MEIKIN: variants seen among roughly 807,000 people sequenced by gnomAD.
The protein encoded by MEIKIN is meiosis-specific kinetochore protein.
At position 131,932,800 on chromosome 5, in the gene MEIKIN, T is replaced by A. The variant is rs116935728; in HGVS notation, c.478+713A>T. Reference sequence around the variant, plus strand: ...GGAGCAGTTAACCACATCTTTCATGTTTTTGACATCTATTTACAAGCATTT... The same window carrying A: ...GGAGCAGTTAACCACATCTTTCATGATTTTGACATCTATTTACAAGCATTT... On this transcript the variant is annotated intron_variant, in intron 5 of 12. Transcript: ENST00000442687. Among the ~76,000 whole-genome samples the A allele has an allele frequency of 2.6e-5, 4 of 152,248 alleles. No individual in the cohort carries two copies. The East Asian group carries it at 7.7e-4, about 29-fold the overall frequency.
chr5:131,852,022 T>C (rs935735879), intron 10 of MEIKIN, among the ~76,000 whole-genome samples: 9 of 152,178 alleles, frequency 5.9e-5, no homozygotes, highest in African/African-American at 2.2e-4. Context: ...GTATTATTCA[T>C]AATAGATAAT....
rs1409945982 is a variant in MEIKIN, at chr5:131,856,686, C to T, written c.775-1852G>A. 3.9e-5 allele frequency among the ~76,000 whole-genome samples: 6 copies of T among 152,134 alleles called. No homozygotes were observed. The East Asian group carries it at 9.6e-4, about 24-fold the overall frequency. The stretch of plus-strand genomic sequence containing the variant: ...CTGAGTATCTGCTTCCCAGAGGTCT[C>T]ATTTGACATAATTGTCAACTATCAG... On this transcript the variant is annotated intron_variant, in intron 9 of 12. Transcript: ENST00000442687.
rs116494076 is a variant in MEIKIN, at chr5:131,912,950, G to A, written c.639-1071C>T. On this transcript the variant is annotated intron_variant, in intron 7 of 12. Transcript: ENST00000442687. Reference sequence around the variant, plus strand: ...TGCCTATTTGGAAACTACACTTTGGGTTCCTCTGGCAGTGAATTATAGGAA... The same window carrying A: ...TGCCTATTTGGAAACTACACTTTGGATTCCTCTGGCAGTGAATTATAGGAA... Among the ~76,000 whole-genome samples, 448 of 152,232 alleles carry A rather than the reference G, an allele frequency of 2.9e-3. 1 individual carries two copies. Among genetic ancestry groups the A allele is most frequent in the Middle Eastern group, 6.8e-3 (2 of 294 alleles).
rs2149598873 is a variant in MEIKIN, at chr5:131,807,093, T to G, written c.*143A>C. 1.5e-5 allele frequency: 6 copies of G among 394,190 alleles called. No homozygotes were observed. The allele number at this position is 394,190 out of a possible 1,614,324, so 24.4% of individuals were successfully genotyped here. A position where few individuals can be genotyped will look rare whatever the true frequency, so the allele number is the denominator to read the frequency against. ...GTAAATGACAAGAACCTCAGTAGAA[T>G]TTCAACATAGAGATATATCACAAAT... On this transcript the variant is annotated 3_prime_UTR_variant, in exon 13 of 13. Transcript: ENST00000442687.
At chr5:131,875,681 C>T (rs1234660297) in intron 9 of MEIKIN, among the ~76,000 whole-genome samples, 8 of 152,088 alleles carry the variant, frequency 5.3e-5, no homozygotes, top group South Asian at 2.1e-4. Context: ...GAGCCCGCAT[C>T]GCCAAGTCAA....
At chr5:131,816,951 T>C (rs1480176239) in intron 12 of MEIKIN, among the ~76,000 whole-genome samples, 1 of 151,916 alleles carries the variant, frequency 6.6e-6, no homozygotes, top group East Asian at 1.9e-4. Context: ...AGTAGATCTG[T>C]TTCTGTGAGG....
At chr5:131,893,799 T>G (rs1388593096) in intron 8 of MEIKIN, among the ~76,000 whole-genome samples, 2 of 152,170 alleles carry the variant, frequency 1.3e-5, no homozygotes, top group African/African-American at 4.8e-5. Context: ...ATAAGTAGAG[T>G]GCAAAAATTT....
chr5:131,910,616 G>A (rs1751318798), intron 8 of MEIKIN, among the ~76,000 whole-genome samples: 1 of 152,002 alleles, frequency 6.6e-6, no homozygotes, highest in African/African-American at 2.4e-5. Context: ...AAGGATAAAT[G>A]CTTGAGGGCA....
chr5:131,899,596 A>G lies in MEIKIN; in HGVS notation c.703+12219T>C, dbSNP rs184192092. Among the ~76,000 whole-genome samples the G allele has an allele frequency of 1.3e-3, 195 of 152,064 alleles. 2 individuals carry two copies. The highest frequency in any genetic ancestry group is 2.0e-3 in the Non-Finnish European group (138 of 68,000). ...GTGATCTGTTTTCTTCAAGAAACAC[A>G]CTTCACCTATAAAGACACACACAGA... is the stretch of plus-strand genomic sequence containing the variant. On this transcript the variant is annotated intron_variant, in intron 8 of 12. Transcript: ENST00000442687.
chr5:131,892,382 A>G (rs1045063054), intron 8 of MEIKIN, among the ~76,000 whole-genome samples: 2 of 152,200 alleles, frequency 1.3e-5, no homozygotes, highest in Non-Finnish European at 2.9e-5. Context: ...CTTTTCACAT[A>G]GTCCCATATT....
intron 9 of MEIKIN, among the ~76,000 whole-genome samples, chr5:131,870,123 C>T (rs772179702): frequency 9.2e-6 from 1 of 108,216 alleles, no homozygotes; most frequent in South Asian, 3.2e-4. Flanking sequence ...TCCCATTTAC[C>T]CTGATTTGAT....
intron 5 of MEIKIN, among the ~76,000 whole-genome samples, chr5:131,932,285 C>T (rs1165252964): frequency 6.6e-6 from 1 of 152,182 alleles, no homozygotes; most frequent in East Asian, 1.9e-4. Context: ...ATCTCAGTGG[C>T]ACAAAGTGAG....
intron 9 of MEIKIN, among the ~76,000 whole-genome samples, chr5:131,869,678 ACTATGAAGAC>A (rs567137499): frequency 9.9e-5 from 15 of 152,220 alleles, no homozygotes; most frequent in Non-Finnish European, 1.9e-4. Context: ...TCTAACATTT[ACTATGAAGAC>A]CTGATGGCAG....
intron 8 of MEIKIN, among the ~76,000 whole-genome samples, chr5:131,897,637 T>C (rs1751075744): frequency 6.6e-6 from 1 of 152,198 alleles, no homozygotes; most frequent in Non-Finnish European, 1.5e-5. Flanking sequence ...TTCATTAATT[T>C]GATCCTCAAT....
chr5:131,890,872 C>T (rs1750899704), intron 8 of MEIKIN, among the ~76,000 whole-genome samples: 1 of 152,214 alleles, frequency 6.6e-6, no homozygotes, highest in Admixed American at 6.5e-5. Context: ...AAATTTCCCT[C>T]TACACACTGT....
At chr5:131,944,381 TTAAG>T (rs1217715279) in intron 3 of MEIKIN, 2 of 256,316 alleles carry the variant, frequency 7.8e-6, no homozygotes, top group Non-Finnish European at 1.5e-5. Context: ...AAAGGAGTTA[TTAAG>T]TAACATTTTG....
intron 8 of MEIKIN, among the ~76,000 whole-genome samples, chr5:131,891,231 G>C (rs1162073662): frequency 6.6e-6 from 1 of 152,180 alleles, no homozygotes; most frequent in Non-Finnish European, 1.5e-5. Flanking sequence ...TGTCTATTAG[G>C]TGCGCTTGGT....
intron 9 of MEIKIN, among the ~76,000 whole-genome samples, chr5:131,877,037 A>G (rs1399856522): frequency 1.3e-5 from 2 of 151,556 alleles, no homozygotes; most frequent in Admixed American, 1.3e-4. Flanking sequence ...TAGGAGATAT[A>G]CCTAATGCTA....
chr5:131,842,606 T>C (rs891991047), intron 11 of MEIKIN, among the ~76,000 whole-genome samples: 1 of 152,208 alleles, frequency 6.6e-6, no homozygotes, highest in African/African-American at 2.4e-5. Context: ...TTGATTTTTT[T>C]TTGCAATAGT....
Sources: allele counts gnomAD v4.1 joint callset (sites outside exome capture counted in the v4.1 genomes callset), GRCh38; gene constraint gnomAD v4.1.1; transcripts MANE v1.5; gene names NCBI Gene and HGNC (gene_info 2026-07-23, HGNC 2026-07-21).